Variants in ARHGAP8 observed in about 807,000 individuals in gnomAD.
ARHGAP8 encodes the protein rho GTPase-activating protein 8.
ARHGAP8 carries 62 observed loss-of-function variants against 46.1 expected under a neutral mutation model. That is an observed-to-expected ratio of 1.34 (90% CI 1.10 to 1.66). ARHGAP8 has a LOEUF of 1.66. Among genes scored for constraint, ARHGAP8 ranks in the 40% most tolerant of loss-of-function variants. The pLI is 0.00. For missense variants in ARHGAP8, 923 were observed against 568.4 expected (o/e 1.62, Z -6.34); for synonymous variants, 375 against 243.1 (o/e 1.54, Z -5.05).
chr22:44,783,558 A>G (rs1926999828), intron 1 of ARHGAP8, among the ~76,000 whole-genome samples: 1 of 152,024 alleles, frequency 6.6e-6, no homozygotes, highest in Non-Finnish European at 1.5e-5. Context: ...CACCTCCTGC[A>G]CCCACCTCCC....
intron 5 of ARHGAP8, among the ~76,000 whole-genome samples, chr22:44,820,697 C>T (rs1055772762): frequency 2.6e-5 from 4 of 152,206 alleles, no homozygotes; most frequent in South Asian, 2.1e-4. Context: ...GCCTTCAGCC[C>T]GGGTTCCCTG....
intron 2 of ARHGAP8, among the ~76,000 whole-genome samples, chr22:44,800,100 CTTTTT>C (rs769010356): frequency 3.2e-5 from 3 of 92,558 alleles, no homozygotes; most frequent in Non-Finnish European, 6.1e-5. Context: ...TCTGTTCTGT[CTTTTT>C]TTTTTTTTTT....
chr22:44,762,543 C>CTTTTTTTTTTTTTTTTT (rs11293128), intron 1 of ARHGAP8, among the ~76,000 whole-genome samples: 1 of 120,344 alleles, frequency 8.3e-6, no homozygotes, highest in Non-Finnish European at 1.7e-5. Flanking sequence ...CTCTCTCTCT[C>CTTTTTTTTTTTTTTTTT]TTTTTTTTTT....
intron 4 of ARHGAP8, 30 bp downstream of exon 4, chr22:44,808,468 G>C: frequency 1.2e-6 from 2 of 1,611,102 alleles, no homozygotes; most frequent in East Asian, 2.2e-5. Flanking sequence ...CAGGGACGTG[G>C]GTGTGGGCTG....
chr22:44,808,858 C>T (rs953081620), intron 4 of ARHGAP8: 9 of 365,004 alleles, frequency 2.5e-5, no homozygotes, highest in South Asian at 1.3e-4. Flanking sequence ...CGCCCTGTTG[C>T]CCAGGCTGGA....
chr22:44,827,764 T>C (rs559868117), intron 7 of ARHGAP8, among the ~76,000 whole-genome samples: 9 of 152,154 alleles, frequency 5.9e-5, no homozygotes, highest in Admixed American at 3.3e-4. Flanking sequence ...GTCTAAATCT[T>C]GTTCCCAGAG....
At chr22:44,792,808 G>GTGGTGGTGGTGT (rs11282638) in intron 2 of ARHGAP8, among the ~76,000 whole-genome samples, 49 of 150,468 alleles carry the variant, frequency 3.3e-4, no homozygotes, top group East Asian at 9.8e-4. Context: ...GGTGGTGGTG[G>GTGGTGGTGGTGT]TGGTTTTTTT....
intron 11 of ARHGAP8, among the ~76,000 whole-genome samples, chr22:44,861,557 T>C (rs140145767): frequency 6.6e-6 from 1 of 152,238 alleles, no homozygotes; most frequent in Non-Finnish European, 1.5e-5. Flanking sequence ...CTCCCTCCAG[T>C]TCTCTGCTCT....
chr22:44,851,345 A>C (rs930587700), intron 10 of ARHGAP8, among the ~76,000 whole-genome samples: 2 of 152,218 alleles, frequency 1.3e-5, no homozygotes, highest in African/African-American at 4.8e-5. Context: ...CGAGAAAAGC[A>C]TGCCAGTTTA....
intron 7 of ARHGAP8, among the ~76,000 whole-genome samples, chr22:44,836,880 T>TTTTG (rs1042664946): frequency 2.6e-5 from 4 of 151,920 alleles, no homozygotes; most frequent in African/African-American, 9.7e-5. Flanking sequence ...TCTTGTTTTG[T>TTTTG]TTTGTTTGTT....
intron 11 of ARHGAP8, among the ~76,000 whole-genome samples, chr22:44,861,352 G>GGGTGT (rs747934428): frequency 2.2e-4 from 34 of 152,300 alleles, no homozygotes; most frequent in Middle Eastern, 6.8e-3. Flanking sequence ...GCACCTGGTG[G>GGGTGT]GGTGTGGTGT....
intron 8 of ARHGAP8, among the ~76,000 whole-genome samples, chr22:44,846,812 C>T (rs975232325): frequency 5.3e-5 from 8 of 152,050 alleles, no homozygotes; most frequent in African/African-American, 1.9e-4. Context: ...GCTATTCCAC[C>T]GAGAGCTGCC....
In ARHGAP8 at chr22:44,859,767, A is replaced by G. The variant is rs1407877352; in HGVS notation, c.914A>G (p.Gln305Arg). Residue 305 changes from glutamine (Q) to arginine (R), a missense_variant, in exon 11 of 12, where the codon CAG (glutamine) becomes CGG (arginine). Gln to Arg is a conservative substitution (Grantham distance 43). Coordinates refer to ENST00000356099, the MANE Select transcript of ARHGAP8 (RefSeq NM_181335.3). ...ESSLRVTGCRQILRSLPEHNY... is the reference protein window; with the variant it reads ...ESSLRVTGCRRILRSLPEHNY... The stretch of plus-strand genomic sequence containing the variant: ...AGCCTGCGTGTCACTGGCTGCCGCC[A>G]GATCTTACGGAGCCTCCCAGAGCAC... 4 of 1,613,902 alleles carry G rather than the reference A, an allele frequency of 2.5e-6. No individual in the cohort carries two copies. Among genetic ancestry groups the G allele is most frequent in the Non-Finnish European group, 2.5e-6 (3 of 1,180,032 alleles).
intron 1 of ARHGAP8, among the ~76,000 whole-genome samples, chr22:44,764,667 C>T (rs768065821): frequency 4.6e-5 from 7 of 152,186 alleles, no homozygotes; most frequent in Non-Finnish European, 7.3e-5. Flanking sequence ...TGTCAGTTGA[C>T]GACACAAGAT....
chr22:44,843,248 A>G (rs1179163514), intron 7 of ARHGAP8, among the ~76,000 whole-genome samples: 1 of 152,234 alleles, frequency 6.6e-6, no homozygotes, highest in Non-Finnish European at 1.5e-5. Flanking sequence ...AATGCCCAGT[A>G]AAAACTCTTT....
chr22:44,856,305 T>C (rs547686701), intron 10 of ARHGAP8, among the ~76,000 whole-genome samples: 17 of 124,768 alleles, frequency 1.4e-4, no homozygotes, highest in African/African-American at 4.2e-4. Flanking sequence ...AAAGTCTCAC[T>C]CTGTTGCCCA....
At chr22:44,786,425 G>A (rs1927239138) in intron 1 of ARHGAP8, 32 bp from the exon 2 acceptor site, 1 of 1,555,038 alleles carries the variant, frequency 6.4e-7, no homozygotes, top group Non-Finnish European at 8.7e-7. Context: ...ACTGGAGAAT[G>A]CACTGACTTC....
intron 2 of ARHGAP8, among the ~76,000 whole-genome samples, chr22:44,797,190 G>A (rs1279681876): frequency 6.8e-6 from 1 of 146,690 alleles, no homozygotes; most frequent in African/African-American, 2.5e-5. Context: ...CACTTGGTCT[G>A]ATTCCAGACA....
At chr22:44,804,296 A>G (rs1928782044) in intron 3 of ARHGAP8, among the ~76,000 whole-genome samples, 1 of 151,994 alleles carries the variant, frequency 6.6e-6, no homozygotes, top group African/African-American at 2.4e-5. Flanking sequence ...CTTCCTGGTG[A>G]AACTCCCCGG....
Sources: gnomAD v4.1 joint callset for allele counts (sites outside exome capture counted in the v4.1 genomes callset) on GRCh38, gnomAD v4.1.1 for gene constraint, MANE v1.5 for transcripts, NCBI Gene and HGNC (gene_info 2026-07-23, HGNC 2026-07-21) for gene names.